The following WWOX variants were observed in gnomAD, a reference collection of about 807,000 sequenced individuals.
WWOX encodes the protein WW domain-containing oxidoreductase.
WWOX carries 69 observed loss-of-function variants against 46.2 expected under a neutral mutation model. That is an observed-to-expected ratio of 1.49 (90% CI 1.23 to 1.82). The LOEUF is 1.82. Among genes scored for constraint, WWOX ranks in the 40% most tolerant of loss-of-function variants. The pLI is 0.00. For synonymous variants in WWOX, 359 were observed against 202.6 expected (o/e 1.77, Z -6.56); for missense variants, 919 against 542.6 (o/e 1.69, Z -6.89).
At chr16:78,919,519 G>GTTTTTTTT in intron 8 of WWOX, among the ~76,000 whole-genome samples, 1 of 67,256 alleles carries the variant, frequency 1.5e-5, no homozygotes, top group African/African-American at 4.4e-5. Context: ...TTATCTTTTT[G>GTTTTTTTT]TTTTGTTTTT....
intron 8 of WWOX, among the ~76,000 whole-genome samples, chr16:78,863,749 G>A (rs1399824273): frequency 1.3e-5 from 2 of 152,204 alleles, no homozygotes; most frequent in African/African-American, 4.8e-5. Flanking sequence ...GGTGGTCACT[G>A]TACTAGTTTT....
At chr16:78,521,355 C>T (rs1052829157) in intron 8 of WWOX, among the ~76,000 whole-genome samples, 3 of 152,068 alleles carry the variant, frequency 2.0e-5, no homozygotes, top group African/African-American at 7.3e-5. Context: ...CAAGCCTAGC[C>T]TTGATATTAT....
At chr16:79,148,660 A>G (rs1454005137) in intron 8 of WWOX, among the ~76,000 whole-genome samples, 2 of 152,180 alleles carry the variant, frequency 1.3e-5, no homozygotes, top group African/African-American at 4.8e-5. Context: ...CTATAGATCA[A>G]TTCGGGAGAA....
chr16:78,328,379 A>G (rs929134411), intron 5 of WWOX, among the ~76,000 whole-genome samples: 2 of 152,190 alleles, frequency 1.3e-5, no homozygotes, highest in African/African-American at 4.8e-5. Flanking sequence ...GTAAGTCGTA[A>G]AAAATTTAGA....
At chr16:78,963,925 A>G (rs962464233) in intron 8 of WWOX, among the ~76,000 whole-genome samples, 1 of 152,110 alleles carries the variant, frequency 6.6e-6, no homozygotes, top group Non-Finnish European at 1.5e-5. Context: ...GAAAGTGAAT[A>G]AGTTTCATAA....
intron 8 of WWOX, among the ~76,000 whole-genome samples, chr16:78,565,940 C>A (rs746817522): frequency 7.6e-6 from 1 of 131,878 alleles, no homozygotes; most frequent in African/African-American, 2.8e-5. Flanking sequence ...GATATTCATA[C>A]AATGGCGATT....
chr16:78,278,511 C>A, intron 5 of WWOX: 1 of 1,306,474 alleles, frequency 7.7e-7, no homozygotes, highest in Non-Finnish European at 1.1e-6. Context: ...AATTAATTAG[C>A]AAAAACTTAT....
intron 8 of WWOX, among the ~76,000 whole-genome samples, chr16:78,847,144 C>G (rs936457524): frequency 6.6e-6 from 1 of 152,164 alleles, no homozygotes; most frequent in Non-Finnish European, 1.5e-5. Context: ...TTAACTCATT[C>G]TCCATGGAGG....
rs2051792713 is a variant in WWOX at position 79,212,313 on chromosome 16, A to ATCTC, written c.*518_*521dup. ...AGCTTAGCAACTGCTGGGGAGACAA[A>ATCTC]TCTCAGAACCTTGTCCCAGCCAGTG... On this transcript the variant is annotated 3_prime_UTR_variant, in exon 9 of 9. Coordinates refer to ENST00000566780, the MANE Select transcript of WWOX (RefSeq NM_016373.4). 2.3e-6 allele frequency: 2 copies of ATCTC among 856,490 alleles called. No homozygotes were observed. 53.1% of individuals were successfully genotyped at this position (856,490 alleles called of 1,614,324 possible).
In WWOX at chr16:78,341,620, A is replaced by G. The variant is rs552929265; in HGVS notation, c.517-45240A>G. Reference sequence around the variant, plus strand: ...GGAGTGGACAGGAAGTGATGCTGAGATAAGTCTAGATGGGATAGGTGGGCA... The same window carrying G: ...GGAGTGGACAGGAAGTGATGCTGAGGTAAGTCTAGATGGGATAGGTGGGCA... On this transcript the variant is annotated intron_variant, in intron 5 of 8. Transcript: ENST00000566780. Among the ~76,000 whole-genome samples, 105 of 119,802 alleles carry G rather than the reference A, an allele frequency of 8.8e-4. 29 individuals are homozygous for G. In the Middle Eastern group the frequency reaches 0.02, roughly 23 times the overall value. The allele number at this position is 119,802 out of a possible 152,430, so 78.6% of individuals were successfully genotyped here.
At chr16:78,126,833 G>C (rs763406986) in intron 4 of WWOX, among the ~76,000 whole-genome samples, 1 of 152,180 alleles carries the variant, frequency 6.6e-6, no homozygotes, top group Non-Finnish European at 1.5e-5. Flanking sequence ...TGGTGGTGGA[G>C]TCCCAAGATG....
intron 8 of WWOX, among the ~76,000 whole-genome samples, chr16:79,049,070 A>T (rs1321028925): frequency 6.6e-6 from 1 of 152,172 alleles, no homozygotes; most frequent in East Asian, 1.9e-4. Flanking sequence ...ATCCTCTGAC[A>T]GTTTATACTT....
intron 8 of WWOX, among the ~76,000 whole-genome samples, chr16:79,087,483 T>G (rs1479403736): frequency 2.6e-5 from 4 of 152,198 alleles, no homozygotes; most frequent in Non-Finnish European, 5.9e-5. Flanking sequence ...TGGAATAACT[T>G]GTCTAAGAAT....
At chr16:78,683,310 G>A (rs1468831631) in intron 8 of WWOX, among the ~76,000 whole-genome samples, 6 of 130,898 alleles carry the variant, frequency 4.6e-5, no homozygotes, top group Non-Finnish European at 1.0e-4. Flanking sequence ...CAGGAGGGCG[G>A]GTGGATTGCC....
intron 5 of WWOX, chr16:78,278,776 A>G (rs2079626490): frequency 1.1e-6 from 1 of 915,682 alleles, no homozygotes; most frequent in Non-Finnish European, 1.7e-6. Context: ...GACATGTACG[A>G]TTTGCAACAA....
At chr16:78,289,462 G>A (rs1157706523) in intron 5 of WWOX, among the ~76,000 whole-genome samples, 1 of 152,168 alleles carries the variant, frequency 6.6e-6, no homozygotes, top group Non-Finnish European at 1.5e-5. Context: ...CTGCAGGGTA[G>A]TGGGAAGGAA....
At chr16:78,782,589 C>A (rs974779139) in intron 8 of WWOX, among the ~76,000 whole-genome samples, 1 of 152,050 alleles carries the variant, frequency 6.6e-6, no homozygotes, top group South Asian at 2.1e-4. Context: ...AAAGAGGATT[C>A]CATCTTTATT....
At chr16:78,561,605 A>T (rs2044437849) in intron 8 of WWOX, among the ~76,000 whole-genome samples, 1 of 152,212 alleles carries the variant, frequency 6.6e-6, no homozygotes, top group Non-Finnish European at 1.5e-5. Flanking sequence ...TAACAGAAAA[A>T]AAAAAGAGAC....
chr16:78,519,109 G>C (rs1480262865), intron 8 of WWOX, among the ~76,000 whole-genome samples: 1 of 152,196 alleles, frequency 6.6e-6, no homozygotes, highest in Non-Finnish European at 1.5e-5. Context: ...GGGCCAGTTG[G>C]CTCCGTCTAT....
Sources: allele counts gnomAD v4.1 joint callset (sites outside exome capture counted in the v4.1 genomes callset), GRCh38; gene constraint gnomAD v4.1.1; transcripts MANE v1.5; gene names NCBI Gene and HGNC (gene_info 2026-07-23, HGNC 2026-07-21).